SBF2: variants seen among roughly 807,000 people sequenced by gnomAD.
The protein encoded by SBF2 is myotubularin-related protein 13.
SBF2 carries 112 observed loss-of-function variants against 225.2 expected under a neutral mutation model. That is an observed-to-expected ratio of 0.50 (90% CI 0.43 to 0.58). The LOEUF (loss-of-function observed/expected upper bound fraction) is 0.58. SBF2 is among the 20% of genes least tolerant of loss of function. The probability of loss-of-function intolerance (pLI) is 0.00; values close to 1 mark genes in which losing one functional copy is unlikely to be tolerated. For missense variants in SBF2, 1,996 were observed against 2,206.2 expected, an observed-to-expected ratio of 0.90 and a Z score of 1.91; for synonymous variants, 763 against 773.3, an observed-to-expected ratio of 0.99 and a Z score of 0.22.
intron 2 of SBF2, among the ~76,000 whole-genome samples, chr11:10,107,934 G>A (rs563378335): frequency 5.0e-4 from 76 of 152,298 alleles, no homozygotes; most frequent in African/African-American, 1.7e-3. Context: ...CAAATCAGTG[G>A]TTATCTGGAG....
chr11:10,238,816 G>A (rs1001067453), intron 1 of SBF2, among the ~76,000 whole-genome samples: 2 of 150,998 alleles, frequency 1.3e-5, no homozygotes, highest in South Asian at 2.2e-4. Context: ...AGGAGGCTGA[G>A]GCAAAAGAAT....
chr11:9,932,967 A>C (rs552586956), intron 16 of SBF2, among the ~76,000 whole-genome samples: 30,009 of 145,300 alleles, frequency 0.21, 4,758 homozygotes, highest in Non-Finnish European at 0.3. Context: ...CAAAAAAAAA[A>C]AAAAAAAAAA....
chr11:10,130,129 G>A (rs1322492578), intron 2 of SBF2, among the ~76,000 whole-genome samples: 15 of 152,136 alleles, frequency 9.9e-5, no homozygotes, highest in African/African-American at 2.2e-4. Context: ...TTGGGAGGCC[G>A]AGGTGGGCAG....
intron 2 of SBF2, among the ~76,000 whole-genome samples, chr11:10,079,468 C>A (rs1044888640): frequency 2.0e-5 from 3 of 152,088 alleles, no homozygotes; most frequent in African/African-American, 7.2e-5. Flanking sequence ...AAAGTTCTGA[C>A]AACAGACTAG....
At chr11:10,231,933 C>T (rs1233958600) in intron 1 of SBF2, among the ~76,000 whole-genome samples, 1 of 152,238 alleles carries the variant, frequency 6.6e-6, no homozygotes, top group Non-Finnish European at 1.5e-5. Flanking sequence ...AGGCAGGCGT[C>T]CTTGAGCTGT....
chr11:10,160,724 T>C (rs1955692335), intron 2 of SBF2, among the ~76,000 whole-genome samples: 1 of 152,202 alleles, frequency 6.6e-6, no homozygotes. Flanking sequence ...AGCCCTTCAT[T>C]ATGTGGTTCA....
chr11:9,824,470 T>G (rs1015153930), intron 28 of SBF2, among the ~76,000 whole-genome samples: 3 of 151,554 alleles, frequency 2.0e-5, no homozygotes, highest in African/African-American at 7.3e-5. Flanking sequence ...GGCAGGAGAA[T>G]TGCTTGAACC....
chr11:9,952,256 A>G (rs1226895523), intron 16 of SBF2, among the ~76,000 whole-genome samples: 2 of 85,956 alleles, frequency 2.3e-5, no homozygotes, highest in East Asian at 6.3e-4. Flanking sequence ...ACACAAACAA[A>G]CAAACAAACA....
intron 1 of SBF2, among the ~76,000 whole-genome samples, chr11:10,262,163 G>C (rs1961505153): frequency 1.3e-5 from 2 of 152,064 alleles, no homozygotes; most frequent in Admixed American, 6.5e-5. Flanking sequence ...TAGTTTGGGG[G>C]AAGATACTGG....
At chr11:10,063,235 T>G (rs772597408) in intron 2 of SBF2, among the ~76,000 whole-genome samples, 1 of 151,902 alleles carries the variant, frequency 6.6e-6, no homozygotes, top group Non-Finnish European at 1.5e-5. Context: ...GCTTAATAAC[T>G]TGGTAATGTA....
chr11:9,785,253 C>G lies in SBF2; in HGVS notation c.5103G>C (p.Arg1701Ser). The G allele has an allele frequency of 1.9e-6, 3 of 1,614,086 alleles. No homozygotes were observed. Among genetic ancestry groups the G allele is most frequent in the Non-Finnish European group, 2.5e-6 (3 of 1,179,980 alleles). The change falls in exon 37 of 40, where the codon AGG becomes AGC. Residue 1701 changes from arginine to serine, a missense_variant. By Grantham distance (110) the Arg-to-Ser change is moderately radical (BLOSUM62 -1). Coordinates refer to ENST00000256190, the MANE Select transcript of SBF2 (RefSeq NM_030962.4). ...VSTNLPSYQK[R>S]SLLHLPDSSM... is the part of the protein sequence containing the mutation. ...TGCTGTCTGGGAGATGTAGCAGAGA[C>G]CTCTTCTGATAGGAAGGTAGGTTGG...
chr11:10,098,255 C>T (rs1952116585), intron 2 of SBF2, among the ~76,000 whole-genome samples: 1 of 151,894 alleles, frequency 6.6e-6, no homozygotes, highest in South Asian at 2.1e-4. Context: ...AATGGACCTA[C>T]CTTTGCAGGA....
intron 6 of SBF2, among the ~76,000 whole-genome samples, chr11:10,010,075 T>G (rs751815886): frequency 2.6e-5 from 4 of 152,218 alleles, no homozygotes; most frequent in Non-Finnish European, 4.4e-5. Flanking sequence ...TTCATATCTT[T>G]CACCCACTTT....
intron 1 of SBF2, among the ~76,000 whole-genome samples, chr11:10,232,857 T>G (rs1958913273): frequency 6.6e-6 from 1 of 152,234 alleles, no homozygotes; most frequent in Admixed American, 6.5e-5. Context: ...GTTACTTCTA[T>G]AACAGCAAGG....
chr11:10,147,303 G>A (rs777831436), intron 2 of SBF2, among the ~76,000 whole-genome samples: 2 of 152,112 alleles, frequency 1.3e-5, no homozygotes, highest in African/African-American at 4.8e-5. Flanking sequence ...CAATAGCAAA[G>A]AGATGAAGTC....
chr11:10,283,415 T>G (rs1963541618), intron 1 of SBF2, among the ~76,000 whole-genome samples: 1 of 151,986 alleles, frequency 6.6e-6, no homozygotes, highest in South Asian at 2.1e-4. Context: ...GTATTTCAGG[T>G]GTTATACATA....
At chr11:10,220,366 C>G (rs1958297792) in intron 1 of SBF2, among the ~76,000 whole-genome samples, 1 of 152,148 alleles carries the variant, frequency 6.6e-6, no homozygotes, top group Admixed American at 6.5e-5. Context: ...AGCTACAATT[C>G]AAGATGAGAT....
chr11:10,053,755 GA>G (rs776284653), intron 2 of SBF2, among the ~76,000 whole-genome samples: 1,533 of 136,504 alleles, frequency 0.011, 12 homozygotes, highest in African/African-American at 0.031. Context: ...CCTTGTCTCG[GA>G]AAAAAAAAAA....
intron 16 of SBF2, among the ~76,000 whole-genome samples, chr11:9,935,088 G>T (rs914137529): frequency 6.6e-6 from 1 of 152,178 alleles, no homozygotes; most frequent in Admixed American, 6.5e-5. Context: ...TCCTTAAGCT[G>T]ATAAGCAGCT....
Sources: allele counts gnomAD v4.1 joint callset (sites outside exome capture counted in the v4.1 genomes callset), GRCh38; gene constraint gnomAD v4.1.1; transcripts MANE v1.5; gene names NCBI Gene and HGNC (gene_info 2026-07-23, HGNC 2026-07-21).